The following XKR4 variants were observed in gnomAD, a reference collection of about 807,000 sequenced individuals.
XKR4 encodes XK-related protein 4.
XKR4 carries 12 observed loss-of-function variants against 53.9 expected under a neutral mutation model. The ratio of observed to expected loss-of-function variants is 0.22; its 90% CI spans 0.14 to 0.36. XKR4 has a LOEUF of 0.36. Ranked by LOEUF, XKR4 falls within the 10% of genes least tolerant of loss-of-function variation. XKR4 has a pLI of 1.00. For synonymous variants in XKR4, 354 were observed against 362.4 expected (o/e 0.98, Z 0.26); for missense variants, 799 against 859.5 (o/e 0.93, Z 0.88).
chr8:55,462,427 G>C (rs1414573152), intron 2 of XKR4, among the ~76,000 whole-genome samples: 2 of 152,168 alleles, frequency 1.3e-5, no homozygotes, highest in Non-Finnish European at 2.9e-5. Context: ...CAAATGCTGA[G>C]AGATTTTGTC....
chr8:55,209,015 T>A (rs4737939), intron 1 of XKR4, among the ~76,000 whole-genome samples: 102,882 of 152,010 alleles, frequency 0.68, 35,117 homozygotes, highest in Middle Eastern at 0.77. Flanking sequence ...TTTCTTGGTC[T>A]TTTTTTCTCT....
intron 1 of XKR4, among the ~76,000 whole-genome samples, chr8:55,216,392 A>G (rs1034741900): frequency 1.3e-5 from 2 of 152,230 alleles, no homozygotes; most frequent in African/African-American, 2.4e-5. Flanking sequence ...TAATATTTTT[A>G]TGAACTTAGG....
chr8:55,541,399 T>C lies in XKR4; in HGVS notation c.*17172T>C, dbSNP rs949805784. ...CTCCTTTCCCTGTTCAATTTTTTTG[T>C]TTTGTTTTAAATCTATCTCTGAAAA... On this transcript the variant is annotated 3_prime_UTR_variant, in exon 3 of 3. Coordinates refer to ENST00000327381, the MANE Select transcript of XKR4 (RefSeq NM_052898.2). The C allele has an allele frequency of 6.6e-6, 1 of 151,866 alleles. No individual in the cohort carries two copies. The highest frequency in any genetic ancestry group is 6.6e-5 in the Admixed American group (1 of 15,218). The allele number at this position is 151,866 out of a possible 1,614,324, so 9.4% of individuals were successfully genotyped here. A position where few individuals can be genotyped will look rare whatever the true frequency, so the allele number is the denominator to read the frequency against.
chr8:55,250,882 GGCACTTAGACA>G (rs1186541978), intron 1 of XKR4, among the ~76,000 whole-genome samples: 1 of 152,152 alleles, frequency 6.6e-6, no homozygotes, highest in Non-Finnish European at 1.5e-5. Context: ...CCTGTTGTTA[GGCACTTAGACA>G]GCAAATTGGT....
chr8:55,164,790 A>C (rs1346825274), intron 1 of XKR4: 3 of 6,222 alleles, frequency 4.8e-4, no homozygotes, highest in Non-Finnish European at 6.8e-4. Flanking sequence ...ACACACACAT[A>C]CACACACACA....
chr8:55,264,707 A>G (rs1374738864), intron 1 of XKR4, among the ~76,000 whole-genome samples: 1 of 152,222 alleles, frequency 6.6e-6, no homozygotes, highest in Non-Finnish European at 1.5e-5. Context: ...ACACAAAGCA[A>G]TTAATTAGCA....
chr8:55,340,587 C>G (rs1803529464), intron 1 of XKR4, among the ~76,000 whole-genome samples: 1 of 152,228 alleles, frequency 6.6e-6, no homozygotes, highest in African/African-American at 2.4e-5. Flanking sequence ...AAGGCCAGCT[C>G]AGGATCCTTC....
chr8:55,395,831 G>T (rs1295188143), intron 2 of XKR4, among the ~76,000 whole-genome samples: 1 of 152,234 alleles, frequency 6.6e-6, no homozygotes, highest in Non-Finnish European at 1.5e-5. Flanking sequence ...TGTTCTGGCG[G>T]CTACAACAAA....
At position 55,174,548 on chromosome 8, in the gene XKR4, TA is replaced by T. The variant is rs547387759; in HGVS notation, c.806+71264del. Among the ~76,000 whole-genome samples, 265 of 149,574 alleles carry T rather than the reference TA, an allele frequency of 1.8e-3. 1 individual carries two copies. The highest frequency in any genetic ancestry group is 4.7e-3 in the African/African-American group (191 of 40,946). On this transcript the variant is annotated intron_variant, in intron 1 of 2. Coordinates refer to ENST00000327381, the MANE Select transcript of XKR4 (RefSeq NM_052898.2). ...AATATCTAATTGAACATTTCTATTA[TA>T]AAAAAAAAATACAGCAACCACCTGG...
intron 2 of XKR4, among the ~76,000 whole-genome samples, chr8:55,424,116 C>T (rs940950824): frequency 6.6e-6 from 1 of 152,220 alleles, no homozygotes; most frequent in African/African-American, 2.4e-5. Context: ...TTTGATTTTG[C>T]ACCTGCTTCA....
At chr8:55,354,347 C>T (rs1803768082) in intron 1 of XKR4, among the ~76,000 whole-genome samples, 1 of 152,176 alleles carries the variant, frequency 6.6e-6, no homozygotes, top group South Asian at 2.1e-4. Context: ...ATCCCATTAA[C>T]TAAGAAACTG....
intron 1 of XKR4, among the ~76,000 whole-genome samples, chr8:55,212,144 T>C (rs1167144295): frequency 1.3e-5 from 2 of 150,258 alleles, no homozygotes; most frequent in Non-Finnish European, 3.0e-5. Context: ...GGGGTGGGGT[T>C]GCAGAGACCA....
At chr8:55,117,609 C>A (rs1315738100) in intron 1 of XKR4, among the ~76,000 whole-genome samples, 1 of 152,168 alleles carries the variant, frequency 6.6e-6, no homozygotes, top group African/African-American at 2.4e-5. Flanking sequence ...TTGCTATTCT[C>A]ATCTGAGGAT....
At chr8:55,453,877 C>G (rs769832459) in intron 2 of XKR4, 6 of 563,640 alleles carry the variant, frequency 1.1e-5, no homozygotes, top group Middle Eastern at 3.4e-4. Flanking sequence ...TGGGGCAGTA[C>G]GGGACCCCAC....
At chr8:55,374,251 G>A (rs117150202) in intron 2 of XKR4, among the ~76,000 whole-genome samples, 2 of 152,280 alleles carry the variant, frequency 1.3e-5, no homozygotes, top group East Asian at 1.9e-4. Context: ...CATGGCAGGC[G>A]CTGACTTGAA....
chr8:55,395,170 T>C (rs78474272), intron 2 of XKR4, among the ~76,000 whole-genome samples: 2,411 of 152,032 alleles, frequency 0.016, 29 homozygotes, highest in Middle Eastern at 0.037. Flanking sequence ...ATGAAGTGAT[T>C]TTGGGAGAAG....
intron 1 of XKR4, among the ~76,000 whole-genome samples, chr8:55,268,434 C>T (rs1416317728): frequency 6.6e-6 from 1 of 152,116 alleles, no homozygotes; most frequent in Admixed American, 6.6e-5. Flanking sequence ...AGACAGCTTG[C>T]AACTGATGTT....
At chr8:55,409,830 G>T (rs929068948) in intron 2 of XKR4, among the ~76,000 whole-genome samples, 3 of 152,250 alleles carry the variant, frequency 2.0e-5, no homozygotes, top group Admixed American at 2.0e-4. Flanking sequence ...AACAGACAAA[G>T]AACAGAGGGT....
At chr8:55,383,824 G>A (rs1386253418) in intron 2 of XKR4, among the ~76,000 whole-genome samples, 2 of 151,998 alleles carry the variant, frequency 1.3e-5, no homozygotes, top group South Asian at 2.1e-4. Flanking sequence ...ACTTGTCTAA[G>A]GTTATAGGAA....
Sources: gnomAD v4.1 joint callset for allele counts (sites outside exome capture counted in the v4.1 genomes callset) on GRCh38, gnomAD v4.1.1 for gene constraint, MANE v1.5 for transcripts, NCBI Gene and HGNC (gene_info 2026-07-23, HGNC 2026-07-21) for gene names.